DCLK2: variants seen among roughly 807,000 people sequenced by gnomAD.
DCLK2 encodes doublecortin like kinase 2, also known as serine/threonine-protein kinase DCLK2.
DCLK2 carries 31 observed loss-of-function variants against 78.4 expected under a neutral mutation model. That is an observed-to-expected ratio of 0.40 (90% CI 0.30 to 0.53). The LOEUF (loss-of-function observed/expected upper bound fraction) is 0.53. Among genes scored for constraint, DCLK2 ranks in the 20% least tolerant of loss-of-function variants. The probability of loss-of-function intolerance (pLI) is 0.61; values close to 1 mark genes in which losing one functional copy is unlikely to be tolerated. For missense variants in DCLK2, 872 were observed against 973.7 expected, an observed-to-expected ratio of 0.90 and a Z score of 1.39; for synonymous variants, 407 against 374.9, an observed-to-expected ratio of 1.09 and a Z score of -0.99.
intron 2 of DCLK2, among the ~76,000 whole-genome samples, chr4:150,152,492 G>A (rs1486053399): frequency 6.6e-6 from 1 of 152,142 alleles, no homozygotes; most frequent in African/African-American, 2.4e-5. Context: ...ATGTTGGCCA[G>A]GCTGGTCTTG....
chr4:150,224,404 CA>C (rs112965015), intron 7 of DCLK2, 96 bp from the exon 8 acceptor site: 62,382 of 895,998 alleles, frequency 0.07, 1,212 homozygotes, highest in African/African-American at 0.31. Flanking sequence ...CTCATCTCTA[CA>C]AAAAAAAAAA....
chr4:150,102,069 G>A (rs963518040), intron 1 of DCLK2, among the ~76,000 whole-genome samples: 1 of 152,148 alleles, frequency 6.6e-6, no homozygotes, highest in Admixed American at 6.5e-5. Context: ...AATATGTTGT[G>A]ATATAATTAT....
intron 2 of DCLK2, among the ~76,000 whole-genome samples, chr4:150,129,135 G>A (rs1733115216): frequency 6.6e-6 from 1 of 152,278 alleles, no homozygotes; most frequent in East Asian, 1.9e-4. Context: ...AAGTACTGCA[G>A]TATTTTACCC....
At chr4:150,214,720 G>C (rs1740553178) in intron 5 of DCLK2, among the ~76,000 whole-genome samples, 1 of 152,108 alleles carries the variant, frequency 6.6e-6, no homozygotes, top group Non-Finnish European at 1.5e-5. Context: ...TCAGCACTTT[G>C]GGAGGCCAAG....
At chr4:150,196,667 C>CA (rs11381700) in intron 3 of DCLK2, among the ~76,000 whole-genome samples, 90,417 of 146,622 alleles carry the variant, frequency 0.62, 29,250 homozygotes, top group South Asian at 0.79. Context: ...TTCACTGGGG[C>CA]AAAAAAAAAA....
Position 150,256,689 on chromosome 4 carries a change from CTCTT to C in DCLK2, c.*444_*447del, listed in dbSNP as rs1436721686. The stretch of plus-strand genomic sequence containing the variant: ...TTTCTTTTCTTTTCTCTCTCTCTCT[CTCTT>C]TTTTTTTTACGAAAGACTTAGAATT... On this transcript the variant is annotated 3_prime_UTR_variant, in exon 16 of 16. Coordinates refer to ENST00000296550, the MANE Select transcript of DCLK2 (RefSeq NM_001040260.4). 4 of 112,020 alleles carry C rather than the reference CTCTT, an allele frequency of 3.6e-5. No individual in the cohort carries two copies. Among genetic ancestry groups the C allele is most frequent in the East Asian group, 4.3e-4 (2 of 4,632 alleles). The allele number at this position is 112,020 out of a possible 1,614,324, so 6.9% of individuals were successfully genotyped here.
intron 1 of DCLK2, among the ~76,000 whole-genome samples, chr4:150,099,456 A>G (rs1730709682): frequency 6.6e-6 from 1 of 152,208 alleles, no homozygotes; most frequent in Non-Finnish European, 1.5e-5. Flanking sequence ...AAATCTATAT[A>G]AGAGACAAAA....
At chr4:150,096,274 T>C (rs1430260826) in intron 1 of DCLK2, among the ~76,000 whole-genome samples, 1 of 152,238 alleles carries the variant, frequency 6.6e-6, no homozygotes, top group Non-Finnish European at 1.5e-5. Context: ...TTCCGTTCAA[T>C]ACTTTGGGGA....
chr4:150,217,407 G>C (rs1740801677), intron 5 of DCLK2, among the ~76,000 whole-genome samples: 1 of 152,110 alleles, frequency 6.6e-6, no homozygotes. Flanking sequence ...CTTCATTAGT[G>C]GGAGGTCCAA....
intron 2 of DCLK2, among the ~76,000 whole-genome samples, chr4:150,115,932 G>T (rs1732052604): frequency 6.6e-6 from 1 of 152,186 alleles, no homozygotes; most frequent in South Asian, 2.1e-4. Flanking sequence ...GATGGAGGTA[G>T]CCAGGGGAGC....
At chr4:150,169,656 C>CAAAA (rs60421412) in intron 2 of DCLK2, among the ~76,000 whole-genome samples, 3,335 of 97,994 alleles carry the variant, frequency 0.034, 140 homozygotes, top group African/African-American at 0.11. Flanking sequence ...AACTCCGTCT[C>CAAAA]AAAAAAAAAA....
chr4:150,217,357 A>C (rs1268419041), intron 5 of DCLK2, among the ~76,000 whole-genome samples: 2 of 152,218 alleles, frequency 1.3e-5, no homozygotes, highest in Non-Finnish European at 2.9e-5. Flanking sequence ...CAGAGATCTT[A>C]CTGAATACTC....
At chr4:150,112,375 A>G (rs911834914) in intron 2 of DCLK2, among the ~76,000 whole-genome samples, 1 of 152,192 alleles carries the variant, frequency 6.6e-6, no homozygotes, top group African/African-American at 2.4e-5. Flanking sequence ...TTCTAGGTAT[A>G]TGATAATATC....
intron 2 of DCLK2, among the ~76,000 whole-genome samples, chr4:150,141,224 A>G (rs1361882427): frequency 1.3e-5 from 2 of 152,168 alleles, no homozygotes; most frequent in Non-Finnish European, 2.9e-5. Context: ...GATTCATGCT[A>G]CCCTTCCTTC....
At chr4:150,159,993 T>G (rs1438694219) in intron 2 of DCLK2, among the ~76,000 whole-genome samples, 20 of 69,464 alleles carry the variant, frequency 2.9e-4, no homozygotes, top group Non-Finnish European at 3.8e-4. Flanking sequence ...CTTTGATGAC[T>G]TTTTTTTTTT....
chr4:150,115,639 A>G (rs1013920847), intron 2 of DCLK2, among the ~76,000 whole-genome samples: 1 of 151,844 alleles, frequency 6.6e-6, no homozygotes, highest in East Asian at 1.9e-4. Context: ...GGTTATAGAG[A>G]GTCTTTGTAT....
chr4:150,153,439 G>GTC (rs1308572096), intron 2 of DCLK2, among the ~76,000 whole-genome samples: 1 of 151,918 alleles, frequency 6.6e-6, no homozygotes, highest in Non-Finnish European at 1.5e-5. Flanking sequence ...AGGGGACAGG[G>GTC]TCTTGCTCTG....
In DCLK2 at chr4:150,091,769, ATGTGTGTGTG is replaced by A. The variant is rs57146406; in HGVS notation, c.422-10679_422-10670del. ...GTTCTTTGTCCTAAAAGGAACATTT[ATGTGTGTGTG>A]TGTGTGTGTGTGTGTGTGTGTGTGT... On this transcript the variant is annotated intron_variant, in intron 1 of 15. Coordinates refer to ENST00000296550, the MANE Select transcript of DCLK2 (RefSeq NM_001040260.4). 4.9e-3 allele frequency among the ~76,000 whole-genome samples: 573 copies of A among 117,100 alleles called. 7 individuals carry two copies. The highest frequency in any genetic ancestry group is 0.013 in the African/African-American group (476 of 35,846). 76.8% of individuals were successfully genotyped at this position (117,100 alleles called of 152,430 possible).
In DCLK2 at chr4:150,239,800, C is replaced by T. The variant is rs1742771999; in HGVS notation, c.1625C>T (p.Thr542Ile). Residue 542 changes from threonine to isoleucine, a missense_variant, in exon 11 of 16, where the codon ACT (threonine) becomes ATT (isoleucine). Physicochemically the swap from Thr to Ile is moderately conservative, Grantham distance 89. Coordinates refer to ENST00000296550, the MANE Select transcript of DCLK2 (RefSeq NM_001040260.4). ...AAACTGGGAGACTTTGGGCTTGCGA[C>T]TGTGGTAGAAGGCCCTTTATACACA... ...SLKLGDFGLA[T>I]VVEGPLYTVC... 1.9e-6 allele frequency: 3 copies of T among 1,614,218 alleles called. No individual in the cohort carries two copies. The highest frequency in any genetic ancestry group is 2.2e-5 in the South Asian group (2 of 91,084).
Sources: gnomAD v4.1 joint callset for allele counts (sites outside exome capture counted in the v4.1 genomes callset) on GRCh38, gnomAD v4.1.1 for gene constraint, MANE v1.5 for transcripts, NCBI Gene and HGNC (gene_info 2026-07-23, HGNC 2026-07-21) for gene names.